The following CSNK1A1L variants were observed in gnomAD, a reference collection of about 807,000 sequenced individuals.
CSNK1A1L encodes casein kinase I isoform alpha-like.
A neutral mutation model predicts 24.6 loss-of-function variants in CSNK1A1L; 20 were observed. The ratio of observed to expected loss-of-function variants is 0.81; its 90% CI spans 0.57 to 1.18. The LOEUF (loss-of-function observed/expected upper bound fraction) is 1.18. CSNK1A1L is among the 50% of genes most tolerant of loss of function. The pLI, the probability that CSNK1A1L is intolerant of heterozygous loss-of-function variation, is 0.00. For missense variants in CSNK1A1L, 414 were observed against 419.0 expected (o/e 0.99, Z 0.10); for synonymous variants, 152 against 154.0 (o/e 0.99, Z 0.09).
At position 37,104,005 on chromosome 13, in the gene CSNK1A1L, C is replaced by G. The variant is rs1172845258; in HGVS notation, c.*238G>C. On this transcript the variant is annotated 3_prime_UTR_variant, in exon 1 of 1. Coordinates refer to ENST00000379800, the MANE Select transcript of CSNK1A1L (RefSeq NM_145203.6). ...CTACTTGAATAAATGCAATAGAAAA[C>G]CAGACACCACGTTTCACTACCTCAG... 7.0e-6 allele frequency: 4 copies of G among 569,070 alleles called. No individual in the cohort carries two copies. Among genetic ancestry groups the G allele is most frequent in the Non-Finnish European group, 1.2e-5 (4 of 321,930 alleles). The allele number at this position is 569,070 out of a possible 1,614,324, so 35.3% of individuals were successfully genotyped here.
At position 37,104,999 on chromosome 13, in the gene CSNK1A1L, A is replaced by G. The variant is rs1180317860; in HGVS notation, c.258T>C (p.Asn86=). The change falls in exon 1 of 1, where the codon AAT becomes AAC. Residue 86 remains asparagine, a synonymous_variant. Coordinates refer to ENST00000379800, the MANE Select transcript of CSNK1A1L (RefSeq NM_145203.6). ...MHWYGQEKDN[N]VLVMDLLGPS... is the part of the protein sequence containing the mutation. ...GTCCCAGAAGGTCCATGACTAGCAC[A>G]TTGTTGTCTTTTTCCTGACCATACC... 1.9e-6 allele frequency: 3 copies of G among 1,614,038 alleles called. No individual in the cohort carries two copies. Among genetic ancestry groups the G allele is most frequent in the Non-Finnish European group, 2.5e-6 (3 of 1,179,996 alleles).
the CSNK1A1L span, chr13:37,104,665 G>A: frequency 2.5e-6 from 4 of 1,614,092 alleles, 1 homozygote; most frequent in South Asian, 4.4e-5. Flanking sequence ...CGGCGGCTCT[G>A]CTCAATACCA....
rs1479053406 is a variant in CSNK1A1L, at chr13:37,104,056, CA to C, written c.*186del. On this transcript the variant is annotated 3_prime_UTR_variant, in exon 1 of 1. Coordinates refer to ENST00000379800, the MANE Select transcript of CSNK1A1L (RefSeq NM_145203.6). The stretch of plus-strand genomic sequence containing the variant: ...TTAATATTCACAATTACAGAGGCTA[CA>C]CTTTGGGATACAGCATCACCAACGC... 7.5e-6 allele frequency: 5 copies of C among 669,310 alleles called. No individual in the cohort carries two copies. The African/African-American group carries it at 9.1e-5, about 12-fold the overall frequency. 41.5% of individuals were successfully genotyped at this position (669,310 alleles called of 1,614,324 possible). A position where few individuals can be genotyped will look rare whatever the true frequency, so the allele number is the denominator to read the frequency against.
chr13:37,105,352 G>C lies in CSNK1A1L; in HGVS notation c.-96C>G, dbSNP rs1481120431. 2 of 1,390,886 alleles carry C rather than the reference G, an allele frequency of 1.4e-6. No homozygotes were observed. Among genetic ancestry groups the C allele is most frequent in the Admixed American group, 4.5e-5 (2 of 44,460 alleles). The allele number at this position is 1,390,886 out of a possible 1,614,324, so 86.2% of individuals were successfully genotyped here. A position where few individuals can be genotyped will look rare whatever the true frequency, so the allele number is the denominator to read the frequency against. ...CACCGGCCCGCAAGGCTGAGGATGA[G>C]GGCTGCTGGAAATGGCCACCGAGGC... On this transcript the variant is annotated 5_prime_UTR_variant, in exon 1 of 1. Transcript: ENST00000379800.
chr13:37,104,129 A>C lies in CSNK1A1L; in HGVS notation c.*114T>G. 4.3e-6 allele frequency: 6 copies of C among 1,387,492 alleles called. No homozygotes were observed. The highest frequency in any genetic ancestry group is 6.0e-6 in the Non-Finnish European group (6 of 997,738). The allele number at this position is 1,387,492 out of a possible 1,614,324, so 85.9% of individuals were successfully genotyped here. ...GAAATAAAGTTTTTTACACCAACTA[A>C]ATGGTTGTTCACAGCCACTAGCTGG... is the stretch of plus-strand genomic sequence containing the variant. On this transcript the variant is annotated 3_prime_UTR_variant, in exon 1 of 1. Transcript: ENST00000379800.
chr13:37,104,828 C>T lies in CSNK1A1L; in HGVS notation c.429G>A (p.Leu143=). 6.2e-7 allele frequency: 1 copy of T among 1,613,616 alleles called. No individual in the cohort carries two copies. The highest frequency in any genetic ancestry group is 1.1e-5 in the South Asian group (1 of 91,022). ...TATTACAGTGACGCCCAGTACCCAT[C>T]AGGAAGTTATCTGGTTTAATGTCTC... The part of the protein sequence containing the change: ...LHRDIKPDNF[L]MGTGRHCNKL... Residue 143 remains leucine (L), a synonymous_variant, in exon 1 of 1, where the codon CTG becomes CTA. Transcript: ENST00000379800.
In CSNK1A1L at chr13:37,104,531, G is replaced by A; in HGVS notation, c.726C>T (p.Ser242=). The A allele has an allele frequency of 6.2e-7, 1 of 1,614,162 alleles. No individual in the cohort carries two copies. Among genetic ancestry groups the A allele is most frequent in the Non-Finnish European group, 8.5e-7 (1 of 1,180,040 alleles). ...CCTTACATAAAACTTCAACAGGGGT[G>A]GACATCTTCTTCTCACTAATCTTTT... ...KYEKISEKKM[S]TPVEVLCKGF... is the part of the protein sequence containing the mutation. The change falls in exon 1 of 1, where the codon TCC becomes TCT. Residue 242 remains serine (S), a synonymous_variant. Coordinates refer to ENST00000379800, the MANE Select transcript of CSNK1A1L (RefSeq NM_145203.6).
Position 37,104,222 on chromosome 13 carries a change from T to G in CSNK1A1L, c.*21A>C, listed in dbSNP as rs2070762501. On this transcript the variant is annotated 3_prime_UTR_variant, in exon 1 of 1. Coordinates refer to ENST00000379800, the MANE Select transcript of CSNK1A1L (RefSeq NM_145203.6). ...TGCTGCTCGAATCATCTGCTCTGCT[T>G]CTTCTGTTCCTCATTCACGCTTAGT... The G allele has an allele frequency of 1.9e-6, 3 of 1,614,040 alleles. No individual in the cohort carries two copies. The Admixed American group carries it at 5.0e-5, about 27-fold the overall frequency.
Position 37,103,722 on chromosome 13 carries a change from G to A in CSNK1A1L, c.*521C>T, listed in dbSNP as rs146308041. The A allele has an allele frequency of 1.5e-3, 250 of 161,902 alleles. 2 individuals carry two copies. The highest frequency in any genetic ancestry group is 5.6e-3 in the African/African-American group (231 of 41,588). 10.0% of individuals were successfully genotyped at this position (161,902 alleles called of 1,614,324 possible). On this transcript the variant is annotated 3_prime_UTR_variant, in exon 1 of 1. Transcript: ENST00000379800. ...AAACTGGAATTTTTGGTTACTACTA[G>A]ATCAGCTGGCTTACAGACAAGAAGC...
Position 37,105,115 on chromosome 13 carries a change from C to G in CSNK1A1L, c.142G>C (p.Glu48Gln). The G allele has an allele frequency of 6.2e-7, 1 of 1,614,146 alleles. No homozygotes were observed. Among genetic ancestry groups the G allele is most frequent in the Non-Finnish European group, 8.5e-7 (1 of 1,180,028 alleles). The change falls in exon 1 of 1, where the codon GAA becomes CAA. Residue 48 changes from glutamate (E) to glutamine (Q), a missense_variant. Transcript: ENST00000379800. ...TNGEDVAVKL[E>Q]SQKVKHPQLL... ...TGGGGGTGCTTGACCTTCTGAGATT[C>G]CAGCTTCACTGCTACGTCCTCGCCG...
Position 37,105,006 on chromosome 13 carries a change from T to C in CSNK1A1L, c.251A>G (p.Asp84Gly), listed in dbSNP as rs111291624. The change falls in exon 1 of 1, where the codon GAC becomes GGC. Residue 84 changes from aspartate to glycine, a missense_variant. Coordinates refer to ENST00000379800, the MANE Select transcript of CSNK1A1L (RefSeq NM_145203.6). ...AAGGTCCATGACTAGCACATTGTTG[T>C]CTTTTTCCTGACCATACCAGTGCAT... ...PHMHWYGQEK[D>G]NNVLVMDLLG... 4.5e-4 allele frequency: 729 copies of C among 1,614,176 alleles called. 3 individuals carry two copies. In the African/African-American group the frequency reaches 7.8e-3, roughly 17 times the overall value.
chr13:37,104,402 G>GA, the CSNK1A1L span: 1 of 1,614,170 alleles, frequency 6.2e-7, no homozygotes. Context: ...TCAGGGTCCT[G>GA]AAAAGAATGC....
rs906574757 is a variant in CSNK1A1L at position 37,105,647 on chromosome 13, A to G, written c.-391T>C. ...GCCGGCGCCGCCATTTTGTTCCTCC[A>G]CCTCAGCCAACCACAAATCGAGAAT... On this transcript the variant is annotated 5_prime_UTR_variant, in exon 1 of 1. Transcript: ENST00000379800. 5.1e-6 allele frequency: 1 copy of G among 197,898 alleles called. No homozygotes were observed. The highest frequency in any genetic ancestry group is 5.5e-5 in the Admixed American group (1 of 18,220). 12.3% of individuals were successfully genotyped at this position (197,898 alleles called of 1,614,324 possible). A position where few individuals can be genotyped will look rare whatever the true frequency, so the allele number is the denominator to read the frequency against.
In CSNK1A1L at chr13:37,104,854, G is replaced by T. The variant is rs186444083; in HGVS notation, c.403C>A (p.Arg135=). Residue 135 remains arginine (R), a synonymous_variant, in exon 1 of 1, where the codon CGA becomes AGA. Transcript: ENST00000379800. ...AGGAAGTTATCTGGTTTAATGTCTC[G>T]GTGTAGAAAATTCTTTGTATGCACG... The part of the protein sequence containing the change: ...EYVHTKNFLH[R]DIKPDNFLMG... 2 of 1,613,650 alleles carry T rather than the reference G, an allele frequency of 1.2e-6. No homozygotes were observed. The highest frequency in any genetic ancestry group is 1.7e-6 in the Non-Finnish European group (2 of 1,179,970).
In CSNK1A1L at chr13:37,105,556, G is replaced by T; in HGVS notation, c.-300C>A. ...CGTGGGCTGAGAAAGGGGGCACAGC[G>T]AGTTGGGGCAGCAGTACTGCTGCCA... On this transcript the variant is annotated 5_prime_UTR_variant, in exon 1 of 1. Coordinates refer to ENST00000379800, the MANE Select transcript of CSNK1A1L (RefSeq NM_145203.6). The T allele has an allele frequency of 2.8e-6, 1 of 357,338 alleles. No individual in the cohort carries two copies. The allele number at this position is 357,338 out of a possible 1,614,324, so 22.1% of individuals were successfully genotyped here. A position where few individuals can be genotyped will look rare whatever the true frequency, so the allele number is the denominator to read the frequency against.
Position 37,104,966 on chromosome 13 carries a change from G to T in CSNK1A1L, c.291C>A (p.Leu97=), listed in dbSNP as rs762770810. Reference sequence around the variant, plus strand: ...TTGAACAGAAATTAAAGAGGTCTTCGAGGCTGGGTCCCAGAAGGTCCATGA... The same window carrying T: ...TTGAACAGAAATTAAAGAGGTCTTCTAGGCTGGGTCCCAGAAGGTCCATGA... ...VLVMDLLGPS[L]EDLFNFCSRR... is the part of the protein sequence containing the mutation. Residue 97 remains leucine (L), a synonymous_variant, in exon 1 of 1, where the codon CTC becomes CTA. Coordinates refer to ENST00000379800, the MANE Select transcript of CSNK1A1L (RefSeq NM_145203.6). The T allele has an allele frequency of 1.2e-6, 2 of 1,614,014 alleles. No individual in the cohort carries two copies. Among genetic ancestry groups the T allele is most frequent in the East Asian group, 4.5e-5 (2 of 44,864 alleles).
chr13:37,105,261 A>T lies in CSNK1A1L; in HGVS notation c.-5T>A. On this transcript the variant is annotated 5_prime_UTR_variant, in exon 1 of 1. Coordinates refer to ENST00000379800, the MANE Select transcript of CSNK1A1L (RefSeq NM_145203.6). The stretch of plus-strand genomic sequence containing the variant: ...GGAGCCGCTGTTGTTTGTCATCCTG[A>T]GAGGCAAAGATGGAGGCTGGGCTCA... 1 of 1,611,114 alleles carries T rather than the reference A, an allele frequency of 6.2e-7. No homozygotes were observed. The highest frequency in any genetic ancestry group is 8.5e-7 in the Non-Finnish European group (1 of 1,178,310).
In CSNK1A1L at chr13:37,104,143, G is replaced by A; in HGVS notation, c.*100C>T. The A allele has an allele frequency of 8.2e-6, 12 of 1,472,100 alleles. No homozygotes were observed. Among genetic ancestry groups the A allele is most frequent in the Non-Finnish European group, 1.1e-5 (12 of 1,064,506 alleles). The allele number at this position is 1,472,100 out of a possible 1,614,324, so 91.2% of individuals were successfully genotyped here. ...TACACCAACTAAATGGTTGTTCACA[G>A]CCACTAGCTGGTGTACATATGAACT... On this transcript the variant is annotated 3_prime_UTR_variant, in exon 1 of 1. Coordinates refer to ENST00000379800, the MANE Select transcript of CSNK1A1L (RefSeq NM_145203.6).
Position 37,104,432 on chromosome 13 carries a change from C to T in CSNK1A1L, c.825G>A (p.Met275Ile), listed in dbSNP as rs1011914700. 4 of 1,614,030 alleles carry T rather than the reference C, an allele frequency of 2.5e-6. No homozygotes were observed. The highest frequency in any genetic ancestry group is 8.5e-7 in the Non-Finnish European group (1 of 1,180,036). ...GLRFEEVPDY[M>I]YLRQLFRILF... ...GAATGCGGAATAGCTGCCTCAGATACATGTAATCTGGGACTTCCTCAAAGC... is the reference window on the plus strand; with the variant it reads ...GAATGCGGAATAGCTGCCTCAGATATATGTAATCTGGGACTTCCTCAAAGC... Residue 275 changes from methionine (M) to isoleucine (I), a missense_variant, in exon 1 of 1, where the codon ATG becomes ATA. By Grantham distance (10) the Met-to-Ile change is conservative (BLOSUM62 1). Coordinates refer to ENST00000379800, the MANE Select transcript of CSNK1A1L (RefSeq NM_145203.6).
Sources: gnomAD v4.1 joint callset for allele counts on GRCh38, gnomAD v4.1.1 for gene constraint, MANE v1.5 for transcripts, NCBI Gene and HGNC (gene_info 2026-07-23, HGNC 2026-07-21) for gene names.